ITPR2: variants seen among roughly 807,000 people sequenced by gnomAD.
ITPR2 encodes inositol 1,4,5-trisphosphate receptor type 2, also known as inositol 1,4,5-trisphosphate-gated calcium channel ITPR2.
Under a neutral mutation model 317.1 loss-of-function variants are expected in ITPR2, and 207 were observed. The observed-to-expected ratio is 0.65, with a 90% CI of 0.58 to 0.73. ITPR2 has a LOEUF of 0.73. Ranked by LOEUF, ITPR2 falls within the 30% of genes least tolerant of loss-of-function variation. ITPR2 has a pLI of 0.00. For missense variants in ITPR2, 2,613 were observed against 3,284.0 expected (o/e 0.80, Z 4.99); for synonymous variants, 1,156 against 1,149.1 (o/e 1.01, Z -0.12).
Position 26,339,129 on chromosome 12 carries a change from C to T in ITPR2, c.*268G>A, listed in dbSNP as rs1938017167. ...CTTCCATCCTGCCGCTCCCTGCCCTCTCCAGCCTTTTGGGCAAGCCTTTTC... is the reference window on the plus strand; with the variant it reads ...CTTCCATCCTGCCGCTCCCTGCCCTTTCCAGCCTTTTGGGCAAGCCTTTTC... On this transcript the variant is annotated 3_prime_UTR_variant, in exon 57 of 57. Coordinates refer to ENST00000381340, the MANE Select transcript of ITPR2 (RefSeq NM_002223.4). 2.7e-6 allele frequency: 1 copy of T among 372,612 alleles called. No homozygotes were observed. Among genetic ancestry groups the T allele is most frequent in the African/African-American group, 2.1e-5 (1 of 47,498 alleles). The allele number at this position is 372,612 out of a possible 1,614,324, so 23.1% of individuals were successfully genotyped here.
At chr12:26,552,610 A>T (rs1336876983) in intron 36 of ITPR2, among the ~76,000 whole-genome samples, 2 of 152,218 alleles carry the variant, frequency 1.3e-5, no homozygotes, top group African/African-American at 4.8e-5. Context: ...GGTCAGGCCT[A>T]GCAGGCAGAA....
intron 7 of ITPR2, 61 bp downstream of exon 7, chr12:26,715,691 A>G (rs1948728532): frequency 8.9e-7 from 1 of 1,123,856 alleles, no homozygotes; most frequent in African/African-American, 1.5e-5. Flanking sequence ...TTTTGCATCT[A>G]GAATTTCAGT....
chr12:26,564,978 T>G (rs1944910452), intron 34 of ITPR2, among the ~76,000 whole-genome samples: 1 of 152,180 alleles, frequency 6.6e-6, no homozygotes. Context: ...AAAAAGAGTC[T>G]GACTAGCATC....
chr12:26,554,659 T>C (rs753849892), intron 36 of ITPR2, among the ~76,000 whole-genome samples: 16 of 152,242 alleles, frequency 1.1e-4, no homozygotes, highest in Non-Finnish European at 2.1e-4. Flanking sequence ...AGCTATTGTA[T>C]TATGTTAATT....
intron 37 of ITPR2, among the ~76,000 whole-genome samples, chr12:26,520,616 AG>A (rs1400576241): frequency 6.6e-6 from 1 of 152,162 alleles, no homozygotes; most frequent in East Asian, 1.9e-4. Context: ...CTCCTGATGT[AG>A]GGGTGAGATC....
intron 22 of ITPR2, among the ~76,000 whole-genome samples, chr12:26,630,276 C>G (rs1946717550): frequency 6.6e-6 from 1 of 151,960 alleles, no homozygotes; most frequent in Non-Finnish European, 1.5e-5. Context: ...TTTCATTTCT[C>G]TAATACGCCT....
At chr12:26,502,505 G>A (rs1180355853) in intron 37 of ITPR2, among the ~76,000 whole-genome samples, 1 of 152,170 alleles carries the variant, frequency 6.6e-6, no homozygotes. Flanking sequence ...ATAGTCCCTG[G>A]TACACAGTAT....
At chr12:26,601,753 GA>G (rs1307579459) in intron 28 of ITPR2, among the ~76,000 whole-genome samples, 2 of 152,082 alleles carry the variant, frequency 1.3e-5, no homozygotes, top group African/African-American at 4.8e-5. Flanking sequence ...AATTACAAGG[GA>G]ATTACAAAGG....
chr12:26,657,682 T>G (rs1246684852), intron 18 of ITPR2, 25 bp downstream of exon 18: 2 of 1,594,484 alleles, frequency 1.3e-6, no homozygotes, highest in Non-Finnish European at 1.7e-6. Flanking sequence ...TGGGAATTAT[T>G]GTAAGATTGT....
intron 55 of ITPR2, among the ~76,000 whole-genome samples, chr12:26,376,994 G>T (rs547162819): frequency 2.0e-5 from 3 of 152,170 alleles, no homozygotes; most frequent in African/African-American, 7.2e-5. Flanking sequence ...CTCCCAAAGT[G>T]CTGGGATTAC....
intron 26 of ITPR2, among the ~76,000 whole-genome samples, chr12:26,608,786 TAA>T (rs34171335): frequency 3.6e-4 from 36 of 100,262 alleles, no homozygotes; most frequent in Admixed American, 3.9e-4. Context: ...ACTTTTAAAT[TAA>T]AAAAAAAAAA....
In ITPR2 at chr12:26,475,395, A is replaced by G. The variant is rs1182783524; in HGVS notation, c.6243T>C (p.Tyr2081=). The G allele has an allele frequency of 1.2e-6, 2 of 1,613,666 alleles. No homozygotes were observed. Among genetic ancestry groups the G allele is most frequent in the Non-Finnish European group, 1.7e-6 (2 of 1,179,682 alleles). The part of the protein sequence containing the change: ...RELVDVMKNA[Y]NQGLECDHGD... ...CATGGTCACATTCCAATCCTTGGTT[A>G]TAGGCATTCTTCATCACATCCACCT... is the stretch of plus-strand genomic sequence containing the variant. Residue 2081 remains tyrosine (Y), a synonymous_variant, in exon 45 of 57, where the codon TAT becomes TAC. Coordinates refer to ENST00000381340, the MANE Select transcript of ITPR2 (RefSeq NM_002223.4).
intron 37 of ITPR2, among the ~76,000 whole-genome samples, chr12:26,520,312 TGG>T (rs1009194436): frequency 1.2e-4 from 18 of 152,254 alleles, no homozygotes; most frequent in African/African-American, 4.3e-4. Context: ...GCAGGCAATC[TGG>T]GAGGAAGAAC....
At chr12:26,416,038 T>C (rs1034492640) in intron 50 of ITPR2, among the ~76,000 whole-genome samples, 1 of 152,210 alleles carries the variant, frequency 6.6e-6, no homozygotes, top group Non-Finnish European at 1.5e-5. Flanking sequence ...CGGAAAAGTA[T>C]GAAATATAAA....
In ITPR2 at chr12:26,481,051, T is replaced by C. The variant is rs547387354; in HGVS notation, c.6123+80A>G. ...AATTGATTAGTTGAAAACATGATAATATGCTTTTGACAAGAGCTGCTTGAA... is the reference window on the plus strand; with the variant it reads ...AATTGATTAGTTGAAAACATGATAACATGCTTTTGACAAGAGCTGCTTGAA... On this transcript the variant is annotated intron_variant, in intron 43 of 56. Transcript: ENST00000381340. 79 of 749,448 alleles carry C rather than the reference T, an allele frequency of 1.1e-4. No individual in the cohort carries two copies. In the African/African-American group the frequency reaches 1.3e-3, roughly 12 times the overall value. The allele number at this position is 749,448 out of a possible 1,614,324, so 46.4% of individuals were successfully genotyped here.
intron 45 of ITPR2, among the ~76,000 whole-genome samples, chr12:26,451,365 T>TCACACTCACACACA (rs1555130554): frequency 7.3e-6 from 1 of 136,324 alleles, no homozygotes. Flanking sequence ...TTCTCTCATA[T>TCACACTCACACACA]CACACACACA....
chr12:26,826,481 C>T (rs1951011244), intron 1 of ITPR2, among the ~76,000 whole-genome samples: 1 of 152,142 alleles, frequency 6.6e-6, no homozygotes, highest in Non-Finnish European at 1.5e-5. Context: ...CCCTACCAGA[C>T]ATCCATCCCT....
chr12:26,825,034 C>T (rs2137301166), intron 1 of ITPR2, among the ~76,000 whole-genome samples: 1 of 152,208 alleles, frequency 6.6e-6, no homozygotes, highest in South Asian at 2.1e-4. Flanking sequence ...GAGTTTGAGA[C>T]CAGCCTGGCC....
At chr12:26,784,368 C>CGGTCTCCTTCCAT (rs1950167606) in intron 2 of ITPR2, among the ~76,000 whole-genome samples, 1 of 120,774 alleles carries the variant, frequency 8.3e-6, no homozygotes, top group African/African-American at 3.0e-5. Context: ...TCTCCCTCCA[C>CGGTCTCCTTCCAT]GGTCTCCTTC....
Sources: allele counts gnomAD v4.1 joint callset (sites outside exome capture counted in the v4.1 genomes callset), GRCh38; gene constraint gnomAD v4.1.1; transcripts MANE v1.5; gene names NCBI Gene and HGNC (gene_info 2026-07-23, HGNC 2026-07-21).